The following MFGE8 variants were observed in gnomAD, a reference collection of about 807,000 sequenced individuals.
MFGE8 encodes lactadherin.
A neutral mutation model predicts 42.6 loss-of-function variants in MFGE8; 34 were observed. The ratio of observed to expected loss-of-function variants is 0.80; its 90% confidence interval spans 0.61 to 1.06. The LOEUF is 1.06. Ranked by LOEUF, MFGE8 falls within the 50% of genes least tolerant of loss-of-function variation. MFGE8 has a pLI of 0.00. For synonymous variants in MFGE8, 230 were observed against 214.8 expected (o/e 1.07, Z -0.62); for missense variants, 510 against 516.9 (o/e 0.99, Z 0.13).
chr15:88,900,351 G>C (rs960582196), intron 6 of MFGE8, among the ~76,000 whole-genome samples: 1 of 152,078 alleles, frequency 6.6e-6, no homozygotes. Context: ...CTGGGCCCTG[G>C]CCAACTCCAC....
intron 2 of MFGE8, among the ~76,000 whole-genome samples, chr15:88,909,488 A>G (rs1898854335): frequency 6.6e-6 from 1 of 152,330 alleles, no homozygotes; most frequent in East Asian, 1.9e-4. Context: ...CTCAAGAAAC[A>G]GCACTCCCGT....
At chr15:88,900,211 C>T (rs1341405008) in intron 6 of MFGE8, among the ~76,000 whole-genome samples, 1 of 150,216 alleles carries the variant, frequency 6.7e-6, no homozygotes, top group Non-Finnish European at 1.5e-5. Flanking sequence ...CACTGCACTC[C>T]AGCCTGGGTG....
At chr15:88,910,059 C>G in intron 1 of MFGE8, 136 bp from the exon 2 acceptor site, 1 of 1,147,086 alleles carries the variant, frequency 8.7e-7, no homozygotes, top group South Asian at 1.3e-5. Flanking sequence ...CCCTCTTCCC[C>G]CGTGTGCTGG....
intron 6 of MFGE8, among the ~76,000 whole-genome samples, chr15:88,901,189 ACACATT>A (rs1329207197): frequency 1.8e-5 from 2 of 109,648 alleles, no homozygotes; most frequent in African/African-American, 7.7e-5. Flanking sequence ...ACATTCACAC[ACACATT>A]CACACATTCA....
chr15:88,910,299 G>A, intron 1 of MFGE8: 1 of 339,742 alleles, frequency 2.9e-6, no homozygotes, highest in Non-Finnish European at 5.7e-6. Context: ...GATTGCAAAG[G>A]AGGCCCATGA....
chr15:88,908,693 T>C (rs1898813453), intron 2 of MFGE8, among the ~76,000 whole-genome samples: 1 of 152,186 alleles, frequency 6.6e-6, no homozygotes, highest in South Asian at 2.1e-4. Context: ...TGGCTCCACC[T>C]GGCCCTACCC....
At position 88,901,163 on chromosome 15, in the gene MFGE8, T is replaced by G. The variant is rs28445725; in HGVS notation, c.870+388A>C. 2.1e-4 allele frequency among the ~76,000 whole-genome samples: 19 copies of G among 89,260 alleles called. 2 individuals carry two copies. The highest frequency in any genetic ancestry group is 8.1e-4 in the African/African-American group (19 of 23,354). The allele number at this position is 89,260 out of a possible 152,430, so 58.6% of individuals were successfully genotyped here. ...CACACACACATTCTCACACACACAT[T>G]CACACACATTCTCACACATTCACAC... On this transcript the variant is annotated intron_variant, in intron 6 of 7. Coordinates refer to ENST00000268150, the MANE Select transcript of MFGE8 (RefSeq NM_005928.4).
chr15:88,913,201 C>T (rs1899050352), intron 1 of MFGE8, 46 bp downstream of exon 1: 2 of 1,482,078 alleles, frequency 1.3e-6, no homozygotes, highest in Non-Finnish European at 1.8e-6. Context: ...TTCCGAGCGG[C>T]GCGGGGAGGA....
rs1357696304 is a variant in MFGE8 at position 88,905,296 on chromosome 15, C to T, written c.685+461G>A. The T allele has an allele frequency of 2.7e-6, 1 of 364,916 alleles. No homozygotes were observed. Among genetic ancestry groups the T allele is most frequent in the South Asian group, 2.1e-5 (1 of 48,018 alleles). 22.6% of individuals were successfully genotyped at this position (364,916 alleles called of 1,614,324 possible). A position where few individuals can be genotyped will look rare whatever the true frequency, so the allele number is the denominator to read the frequency against. On this transcript the variant is annotated intron_variant, in intron 5 of 7. Transcript: ENST00000268150. This position sits in a 1 kb window ranked among gnomAD's most constrained non-coding sequence, Gnocchi z 6.6. ...TGTGTACCCTTAATAAATCATTCAT[C>T]GGGGCCCCACGCCCCTCATTCATTC...
chr15:88,903,053 C>G lies in MFGE8; in HGVS notation c.686-1318G>C, dbSNP rs56108780. On this transcript the variant is annotated intron_variant, in intron 5 of 7. Coordinates refer to ENST00000268150, the MANE Select transcript of MFGE8 (RefSeq NM_005928.4). The surrounding 1 kb of genome is among the most constrained non-coding windows in gnomAD (Gnocchi z 4.9). ...GCACCAGGGAACCACCACCTTCCCC[C>G]TCAAAGAGAGGCTCCCGGGCTGAGA... The G allele has an allele frequency of 0.1, 15,987 of 152,298 alleles. 973 individuals are homozygous for G. Among genetic ancestry groups the G allele is most frequent in the Non-Finnish European group, 0.14 (9,397 of 68,040 alleles). 9.4% of individuals were successfully genotyped at this position (152,298 alleles called of 1,614,324 possible).
chr15:88,905,490 C>T lies in MFGE8; in HGVS notation c.685+267G>A. 3.2e-6 allele frequency: 2 copies of T among 628,326 alleles called. No individual in the cohort carries two copies. Among genetic ancestry groups the T allele is most frequent in the East Asian group, 3.3e-5 (1 of 30,250 alleles). The allele number at this position is 628,326 out of a possible 1,614,324, so 38.9% of individuals were successfully genotyped here. ...CTAGAAGCTACAGGAGAGGAGCCAA[C>T]CAGAAGAAGGGAAAATACTTTGAAA... On this transcript the variant is annotated intron_variant, in intron 5 of 7. Transcript: ENST00000268150. The surrounding 1 kb of genome is among the most constrained non-coding windows in gnomAD (Gnocchi z 6.6).
Position 88,898,946 on chromosome 15 carries a change from A to T in MFGE8, c.*449T>A. 1 of 261,588 alleles carries T rather than the reference A, an allele frequency of 3.8e-6. No individual in the cohort carries two copies. Among genetic ancestry groups the T allele is most frequent in the Admixed American group, 4.8e-5 (1 of 20,634 alleles). The allele number at this position is 261,588 out of a possible 1,614,324, so 16.2% of individuals were successfully genotyped here. Reference sequence around the variant, plus strand: ...GTGGCCACATGGTACCCCAGGGCCGACGCAGGGCCGACGGGCAAGAGGCTG... The same window carrying T: ...GTGGCCACATGGTACCCCAGGGCCGTCGCAGGGCCGACGGGCAAGAGGCTG... On this transcript the variant is annotated 3_prime_UTR_variant, in exon 8 of 8. Coordinates refer to ENST00000268150, the MANE Select transcript of MFGE8 (RefSeq NM_005928.4).
chr15:88,908,426 C>G (rs1596200711), intron 2 of MFGE8, among the ~76,000 whole-genome samples: 1 of 152,210 alleles, frequency 6.6e-6, no homozygotes, highest in East Asian at 1.9e-4. Context: ...CGCTCACACC[C>G]TGAAGGAGTC....
intron 2 of MFGE8, among the ~76,000 whole-genome samples, chr15:88,908,311 G>A (rs1898795669): frequency 6.6e-6 from 1 of 152,170 alleles, no homozygotes; most frequent in Admixed American, 6.5e-5. Context: ...TGGCAGGGAG[G>A]GGAACGCGCA....
chr15:88,907,285 C>G lies in MFGE8; in HGVS notation c.297G>C (p.Gln99His), dbSNP rs1898732890. Residue 99 changes from glutamine (Q) to histidine (H), a missense_variant, in exon 3 of 8, where the codon CAG (glutamine) becomes CAC (histidine). By Grantham distance (24) the Gln-to-His change is conservative. Coordinates refer to ENST00000268150, the MANE Select transcript of MFGE8 (RefSeq NM_005928.4). The part of the protein sequence containing the change: ...SSVRVTFLGL[Q>H]HWVPELARLN... ...GGCGGGCCAGCTCCGGGACCCAATGCTGCAAACCCAAGAAGGTCACACGCA... is the reference window on the plus strand; with the variant it reads ...GGCGGGCCAGCTCCGGGACCCAATGGTGCAAACCCAAGAAGGTCACACGCA... 1.9e-6 allele frequency: 3 copies of G among 1,614,212 alleles called. No individual in the cohort carries two copies. The highest frequency in any genetic ancestry group is 2.5e-6 in the Non-Finnish European group (3 of 1,180,032).
rs2141687707 is a variant in MFGE8, at chr15:88,899,530, G to A, written c.1029C>T (p.Ile343=). Residue 343 remains isoleucine, a splice_region_variant and synonymous_variant, in exon 8 of 8, where the codon ATC becomes ATT. Transcript: ENST00000268150. This position sits in a 1 kb window ranked among gnomAD's most constrained non-coding sequence, Gnocchi z 6.8. The part of the protein sequence containing the change: ...YQDPRTGSSK[I]FPGNWDNHSH... ...AGTGGTTGTCCCAGTTGCCAGGGAA[G>A]ATCTAGAGGCAGAGCGGGTGTCAGG... 3 of 1,614,196 alleles carry A rather than the reference G, an allele frequency of 1.9e-6. No individual in the cohort carries two copies. The highest frequency in any genetic ancestry group is 1.3e-5 in the African/African-American group (1 of 75,054).
Position 88,905,672 on chromosome 15 carries a change from G to T in MFGE8, c.685+85C>A. The T allele has an allele frequency of 6.3e-7, 1 of 1,588,542 alleles. No homozygotes were observed. The highest frequency in any genetic ancestry group is 1.1e-5 in the South Asian group (1 of 90,386). ...CCTTGTTGCTGCCCTACCTAGCTCA[G>T]TTTGGCTGAGAAAAGAGGCAGCAGG... is the stretch of plus-strand genomic sequence containing the variant. On this transcript the variant is annotated intron_variant, in intron 5 of 7. Transcript: ENST00000268150. The surrounding 1 kb of genome is among the most constrained non-coding windows in gnomAD (Gnocchi z 6.6).
rs375727875 is a variant in MFGE8 at position 88,901,730 on chromosome 15, C to T, written c.691G>A (p.Ala231Thr). ...ELLGCELNGC[A>T]NPLGLKNNSI... ...TTATTCTTCAGGCCCAGGGGATTGGCGCATCCTGCCAGCAAGGTGGGCTGT... is the reference window on the plus strand; with the variant it reads ...TTATTCTTCAGGCCCAGGGGATTGGTGCATCCTGCCAGCAAGGTGGGCTGT... Residue 231 changes from alanine to threonine, a missense_variant, in exon 6 of 8, where the codon GCC becomes ACC. Coordinates refer to ENST00000268150, the MANE Select transcript of MFGE8 (RefSeq NM_005928.4). The T allele has an allele frequency of 2.7e-5, 43 of 1,613,752 alleles. No homozygotes were observed. Among genetic ancestry groups the T allele is most frequent in the South Asian group, 2.6e-4 (24 of 91,058 alleles).
intron 3 of MFGE8, 58 bp downstream of exon 3, chr15:88,907,137 G>C: frequency 6.4e-7 from 1 of 1,565,054 alleles, no homozygotes; most frequent in South Asian, 1.2e-5. Context: ...CCCAAATGCA[G>C]AAACATTCAT....
Sources: allele counts gnomAD v4.1 joint callset (sites outside exome capture counted in the v4.1 genomes callset), GRCh38; gene constraint gnomAD v4.1.1; non-coding constraint Gnocchi (gnomAD v3.1); transcripts MANE v1.5; gene names NCBI Gene and HGNC (gene_info 2026-07-23, HGNC 2026-07-21).